Variants in SGCD observed in about 807,000 individuals in gnomAD.
SGCD encodes sarcoglycan delta, also known as delta-sarcoglycan.
Under a neutral mutation model 36.6 loss-of-function variants are expected in SGCD, and 18 were observed. That is an observed-to-expected ratio of 0.49 (90% CI 0.34 to 0.73). SGCD has a LOEUF of 0.73. SGCD is among the 30% of genes least tolerant of loss of function. SGCD has a pLI of 0.01. For missense variants in SGCD, 387 were observed against 346.7 expected (o/e 1.12, Z -0.92); for synonymous variants, 133 against 130.6 (o/e 1.02, Z -0.12).
chr5:156,136,441 C>A (rs896310189), intron 3 of SGCD, among the ~76,000 whole-genome samples: 44 of 152,104 alleles, frequency 2.9e-4, no homozygotes, highest in African/African-American at 9.9e-4. Context: ...AAATATGTTT[C>A]TTTTTTCTCA....
In SGCD at chr5:155,957,339, GC is replaced by G. The variant is rs914256786; in HGVS notation, c.-282+86920del. 2.2e-4 allele frequency among the ~76,000 whole-genome samples: 33 copies of G among 152,120 alleles called. 1 individual carries two copies. The highest frequency in any genetic ancestry group is 1.9e-3 in the South Asian group (9 of 4,822). ...GAATTACTCTCACCTGAAGAGAGCT[GC>G]CCCCACCAAGGTCACACTCTCTCCT... On this transcript the variant is annotated intron_variant, in intron 1 of 9. Coordinates refer to the SGCD transcript ENST00000517913.
In SGCD at chr5:156,726,634, C is replaced by T. The variant is rs143008857; in HGVS notation, c.576-30947C>T. ...AACTCTTTATGCTCCTTCAGCCTGA[C>T]GAAGTCTTTTTTCCATCTCCTGTTT... On this transcript the variant is annotated intron_variant, in intron 7 of 8. Coordinates refer to ENST00000337851, the MANE Select transcript of SGCD (RefSeq NM_000337.6). 2.8e-4 allele frequency among the ~76,000 whole-genome samples: 43 copies of T among 152,330 alleles called. No individual in the cohort carries two copies. The East Asian group carries it at 5.0e-3, about 18-fold the overall frequency.
chr5:156,746,793 C>T (rs1345146968), intron 7 of SGCD, among the ~76,000 whole-genome samples: 1 of 151,994 alleles, frequency 6.6e-6, no homozygotes, highest in African/African-American at 2.4e-5. Flanking sequence ...TCTTTGTGAC[C>T]TTGGGGTAGT....
At chr5:155,824,411 T>G in the SGCD span, among the ~76,000 whole-genome samples, 2 of 152,310 alleles carry the variant, frequency 1.3e-5, no homozygotes, top group South Asian at 2.1e-4. Flanking sequence ...TTGTCATTAT[T>G]GTAACAGATA....
intron 3 of SGCD, among the ~76,000 whole-genome samples, chr5:156,386,131 T>G (rs981073673): frequency 6.6e-6 from 1 of 152,194 alleles, no homozygotes; most frequent in Non-Finnish European, 1.5e-5. Context: ...CTTTCCTTAG[T>G]TTACACATTC....
chr5:156,436,664 C>A (rs1753259906), intron 3 of SGCD, among the ~76,000 whole-genome samples: 2 of 152,168 alleles, frequency 1.3e-5, no homozygotes, highest in African/African-American at 4.8e-5. Flanking sequence ...GAGTCCATTG[C>A]CTTTCCTATT....
intron 3 of SGCD, among the ~76,000 whole-genome samples, chr5:156,146,013 A>G (rs1337887438): frequency 6.6e-6 from 1 of 152,162 alleles, no homozygotes; most frequent in East Asian, 1.9e-4. Context: ...GGAGATCGAG[A>G]CCATCCTGGC....
chr5:155,800,134 TTTTCTGGG>T, the SGCD span, among the ~76,000 whole-genome samples: 4 of 152,106 alleles, frequency 2.6e-5, no homozygotes, highest in Admixed American at 6.5e-5. Context: ...TCCCATTTGT[TTTTCTGGG>T]ATAGTTTAAT....
chr5:156,097,743 G>C (rs1296287415), intron 1 of SGCD, among the ~76,000 whole-genome samples: 37 of 152,094 alleles, frequency 2.4e-4, no homozygotes, highest in Admixed American at 2.4e-3. Context: ...TCTTATTCAA[G>C]TTGTGATTGC....
At chr5:156,089,190 AATGGTCTCCCAT>A (rs771236041) in intron 1 of SGCD, among the ~76,000 whole-genome samples, 2 of 152,196 alleles carry the variant, frequency 1.3e-5, no homozygotes, top group Non-Finnish European at 2.9e-5. Context: ...AGGGGTCTGG[AATGGTCTCCCAT>A]ATGTAATTTT....
the SGCD span, among the ~76,000 whole-genome samples, chr5:155,759,907 G>T: frequency 6.6e-6 from 1 of 152,170 alleles, no homozygotes; most frequent in South Asian, 2.1e-4. Flanking sequence ...GGAGGCAAGA[G>T]AAATTTTCTA....
At chr5:156,759,195 C>T (rs771035021) in intron 8 of SGCD, 22 bp from the exon 9 acceptor site, 2 of 1,605,250 alleles carry the variant, frequency 1.2e-6, no homozygotes, top group African/African-American at 1.3e-5. Flanking sequence ...CCAATGCTTT[C>T]CTTCCTATTC....
At chr5:156,106,130 A>G (rs895504744) in intron 1 of SGCD, among the ~76,000 whole-genome samples, 1 of 150,826 alleles carries the variant, frequency 6.6e-6, no homozygotes, top group African/African-American at 2.4e-5. Context: ...AAAAAAAAAA[A>G]AAAAAAAAAG....
intron 3 of SGCD, among the ~76,000 whole-genome samples, chr5:156,206,714 T>C (rs909683291): frequency 2.6e-5 from 4 of 152,110 alleles, no homozygotes; most frequent in African/African-American, 9.7e-5. Flanking sequence ...ACTATAAGTT[T>C]GGCAGTGAAT....
rs577820653 is a variant in SGCD at position 156,491,373 on chromosome 5, CT to C, written c.193-17227del. Reference sequence around the variant, plus strand: ...CATTTGTGTGTAACCACAAAAGACTCTGAATAGCCAAACACTGAGCAAAAAG... The same window carrying C: ...CATTTGTGTGTAACCACAAAAGACTCGAATAGCCAAACACTGAGCAAAAAG... On this transcript the variant is annotated intron_variant, in intron 3 of 8. Coordinates refer to ENST00000337851, the MANE Select transcript of SGCD (RefSeq NM_000337.6). Among the ~76,000 whole-genome samples, 47 of 152,224 alleles carry C rather than the reference CT, an allele frequency of 3.1e-4. 2 individuals carry two copies. The South Asian group carries it at 9.3e-3, about 30-fold the overall frequency.
At chr5:156,582,195 G>T (rs192001057) in intron 4 of SGCD, among the ~76,000 whole-genome samples, 14 of 152,306 alleles carry the variant, frequency 9.2e-5, no homozygotes, top group Non-Finnish European at 5.9e-5. Flanking sequence ...TTTGTATGTT[G>T]TGAAGATGAA....
intron 1 of SGCD, among the ~76,000 whole-genome samples, chr5:156,113,273 C>T (rs369228150): frequency 2.0e-5 from 3 of 152,146 alleles, no homozygotes; most frequent in Non-Finnish European, 4.4e-5. Context: ...CTTCATTTCA[C>T]TTGTTTTTGA....
At chr5:156,608,278 T>C (rs1373996661) in intron 6 of SGCD, among the ~76,000 whole-genome samples, 1 of 152,210 alleles carries the variant, frequency 6.6e-6, no homozygotes, top group Non-Finnish European at 1.5e-5. Context: ...AAGATCTTTA[T>C]TTCTGCCTTC....
chr5:155,817,454 A>G, the SGCD span, among the ~76,000 whole-genome samples: 2 of 151,862 alleles, frequency 1.3e-5, no homozygotes, highest in African/African-American at 4.8e-5. Context: ...TGTTTTTGTT[A>G]ATTTTATAAG....
Sources: allele counts gnomAD v4.1 joint callset (sites outside exome capture counted in the v4.1 genomes callset), GRCh38; gene constraint gnomAD v4.1.1; transcripts MANE v1.5; gene names NCBI Gene and HGNC (gene_info 2026-07-23, HGNC 2026-07-21).